Variants in ADCY10 observed in about 807,000 individuals in gnomAD.
ADCY10 encodes the protein adenylate cyclase type 10.
Under a neutral mutation model 183.3 loss-of-function variants are expected in ADCY10, and 156 were observed. The observed-to-expected ratio is 0.85, with a 90% CI of 0.75 to 0.97. The LOEUF is 0.97. Among genes scored for constraint, ADCY10 ranks in the 50% least tolerant of loss-of-function variants. ADCY10 has a pLI of 0.00. For synonymous variants in ADCY10, 645 were observed against 670.0 expected (o/e 0.96, Z 0.58); for missense variants, 1,745 against 1,934.3 (o/e 0.90, Z 1.84).
At chr1:167,819,507 G>A (rs1662745199) in intron 30 of ADCY10, among the ~76,000 whole-genome samples, 1 of 152,048 alleles carries the variant, frequency 6.6e-6, no homozygotes, top group Admixed American at 6.5e-5. Context: ...CCAAAGTGCT[G>A]CGATTACAGG....
chr1:167,878,738 C>T, intron 11 of ADCY10, 103 bp from the exon 12 acceptor site: 1 of 1,176,888 alleles, frequency 8.5e-7, no homozygotes, highest in Non-Finnish European at 1.2e-6. Context: ...CCTTTACTCC[C>T]TTTGCTGTTC....
intron 22 of ADCY10, 78 bp downstream of exon 22, chr1:167,837,171 C>A (rs1320821646): frequency 9.5e-6 from 13 of 1,361,286 alleles, no homozygotes; most frequent in South Asian, 3.5e-5. Context: ...ACTGGCCAGA[C>A]AAATGATTCT....
At chr1:167,833,404 A>G (rs1241525908) in intron 24 of ADCY10, among the ~76,000 whole-genome samples, 1 of 152,162 alleles carries the variant, frequency 6.6e-6, no homozygotes, top group African/African-American at 2.4e-5. Flanking sequence ...GACAATGTTT[A>G]CCCATTCAGG....
chr1:167,862,205 A>T (rs1381725117), intron 14 of ADCY10, among the ~76,000 whole-genome samples: 1 of 152,216 alleles, frequency 6.6e-6, no homozygotes, highest in African/African-American at 2.4e-5. Flanking sequence ...CCCACAATTC[A>T]TATGTTAAAT....
Position 167,848,470 on chromosome 1 carries a change from T to G in ADCY10, c.2328A>C (p.Thr776=), listed in dbSNP as rs768682719. 8.1e-6 allele frequency: 13 copies of G among 1,613,556 alleles called. No individual in the cohort carries two copies. Among genetic ancestry groups the G allele is most frequent in the Non-Finnish European group, 4.2e-6 (5 of 1,179,596 alleles). The part of the protein sequence containing the change: ...NNLFKYSIKL[T]EKLNMVTLHS... Reference sequence around the variant, plus strand: ...GGAGAGTAACCATGTTTAACTTCTCTGTTAGCTTAATGGAATACTCTACAG... The same window carrying G: ...GGAGAGTAACCATGTTTAACTTCTCGGTTAGCTTAATGGAATACTCTACAG... Residue 776 remains threonine, a synonymous_variant, in exon 19 of 33, where the codon ACA becomes ACC. Coordinates refer to ENST00000367851, the MANE Select transcript of ADCY10 (RefSeq NM_018417.6).
intron 31 of ADCY10, among the ~76,000 whole-genome samples, chr1:167,814,906 A>G (rs1662433891): frequency 1.3e-5 from 2 of 152,180 alleles, no homozygotes. Context: ...TGGTCGGATC[A>G]CCTGAGGTCA....
chr1:167,854,996 A>T (rs1365601245), intron 17 of ADCY10, among the ~76,000 whole-genome samples: 1 of 152,192 alleles, frequency 6.6e-6, no homozygotes, highest in African/African-American at 2.4e-5. Flanking sequence ...AAGAAAAAAC[A>T]TTCTCTATGT....
chr1:167,841,936 C>T (rs371489012), intron 21 of ADCY10, among the ~76,000 whole-genome samples: 1 of 152,306 alleles, frequency 6.6e-6, no homozygotes, highest in Admixed American at 6.5e-5. Flanking sequence ...GAAAGTTCAA[C>T]ATATCTGTAG....
chr1:167,822,171 T>C lies in ADCY10; in HGVS notation c.4169-30A>G, dbSNP rs766942582. 97 of 1,341,900 alleles carry C rather than the reference T, an allele frequency of 7.2e-5. 1 individual carries two copies. The South Asian group carries it at 1.0e-3, about 14-fold the overall frequency. 83.1% of individuals were successfully genotyped at this position (1,341,900 alleles called of 1,614,324 possible). On this transcript the variant is annotated intron_variant, in intron 29 of 32. Coordinates refer to ENST00000367851, the MANE Select transcript of ADCY10 (RefSeq NM_018417.6). The stretch of plus-strand genomic sequence containing the variant: ...GAGAGAGAGGAATGGGTGAGAGTTA[T>C]TAGTAGGTGTGGGTGATCATCTTTC...
chr1:167,845,709 G>A lies in ADCY10; in HGVS notation c.2861C>T (p.Ala954Val). The change falls in exon 21 of 33, where the codon GCC (alanine) becomes GTC (valine). Residue 954 changes from alanine (A) to valine (V), a missense_variant. Transcript: ENST00000367851. Reference protein sequence around the residue: ...DQRKAMHLKCARFLEEDAHRC... With the variant: ...DQRKAMHLKCVRFLEEDAHRC... The stretch of plus-strand genomic sequence containing the variant: ...GTGGGCATCTTCTTCTAAAAAGCGG[G>A]CACATTTCAAGTGCATGGCTTTTCT... 6.2e-7 allele frequency: 1 copy of A among 1,614,230 alleles called. No homozygotes were observed.
intron 18 of ADCY10, among the ~76,000 whole-genome samples, chr1:167,852,258 C>T (rs1274934291): frequency 6.6e-6 from 1 of 152,172 alleles, no homozygotes; most frequent in African/African-American, 2.4e-5. Context: ...GCCTGGCCAA[C>T]ATGGCAAAAC....
At chr1:167,912,191 T>G (rs1339222732) in intron 1 of ADCY10, among the ~76,000 whole-genome samples, 12 of 152,212 alleles carry the variant, frequency 7.9e-5, no homozygotes, top group Non-Finnish European at 1.5e-5. Flanking sequence ...TAGGAGTTAT[T>G]AAGAAATTAT....
intron 31 of ADCY10, among the ~76,000 whole-genome samples, chr1:167,816,144 C>G (rs1662516055): frequency 6.6e-6 from 1 of 152,006 alleles, no homozygotes; most frequent in South Asian, 2.1e-4. Flanking sequence ...AAATTAAGGT[C>G]AAACACCAAA....
At chr1:167,865,142 G>C (rs1020840694) in intron 14 of ADCY10, among the ~76,000 whole-genome samples, 1 of 152,274 alleles carries the variant, frequency 6.6e-6, no homozygotes, top group Non-Finnish European at 1.5e-5. Context: ...TGAAGAAACA[G>C]TTTATGTGCA....
At chr1:167,867,903 T>C (rs1182446305) in intron 14 of ADCY10, among the ~76,000 whole-genome samples, 1 of 152,194 alleles carries the variant, frequency 6.6e-6, no homozygotes, top group Admixed American at 6.5e-5. Context: ...AAAAAGACCC[T>C]GTTTAGCTCC....
In ADCY10 at chr1:167,820,499, G is replaced by T. The variant is rs368161728; in HGVS notation, c.4286+1525C>A. The T allele has an allele frequency of 1.3e-5, 5 of 388,306 alleles. No homozygotes were observed. In the East Asian group the frequency reaches 1.5e-4, roughly 11 times the overall value. 24.1% of individuals were successfully genotyped at this position (388,306 alleles called of 1,614,324 possible). A position where few individuals can be genotyped will look rare whatever the true frequency, so the allele number is the denominator to read the frequency against. On this transcript the variant is annotated intron_variant, in intron 30 of 32. Coordinates refer to ENST00000367851, the MANE Select transcript of ADCY10 (RefSeq NM_018417.6). The stretch of plus-strand genomic sequence containing the variant: ...TTTAAAAAATTCTCCTGCTGAGATA[G>T]ACAAGAAAAATAAATTTGGATGATT...
chr1:167,875,066 T>G, intron 13 of ADCY10, 65 bp downstream of exon 13: 2 of 1,229,606 alleles, frequency 1.6e-6, no homozygotes, highest in South Asian at 1.2e-5. Context: ...TTATCATTGA[T>G]GTACTTTTCT....
chr1:167,846,115 T>C lies in ADCY10; in HGVS notation c.2586A>G (p.Ala862=). Residue 862 remains alanine, a synonymous_variant, in exon 20 of 33, where the codon GCA becomes GCG. Transcript: ENST00000367851. ...AAAAAATGTTAGATTCCACTAGGGT[T>C]GCCAGGGTCTTGATCATCATCTTCA... ...WNMKMMIKTL[A]TLVESNIFYC... The C allele has an allele frequency of 6.2e-7, 1 of 1,614,182 alleles. No individual in the cohort carries two copies. Among genetic ancestry groups the C allele is most frequent in the Admixed American group, 1.7e-5 (1 of 60,026 alleles).
In ADCY10 at chr1:167,886,740, C is replaced by T. The variant is rs536891857; in HGVS notation, c.829-3112G>A. On this transcript the variant is annotated intron_variant, in intron 8 of 32. Coordinates refer to ENST00000367851, the MANE Select transcript of ADCY10 (RefSeq NM_018417.6). The stretch of plus-strand genomic sequence containing the variant: ...AGAGCTTCTGAACAGCAAAAGAAAT[C>T]ATCAGAGTGAACAGGCATCCTACAG... 2.0e-5 allele frequency among the ~76,000 whole-genome samples: 3 copies of T among 152,188 alleles called. No homozygotes were observed. In the South Asian group the frequency reaches 6.2e-4, roughly 32 times the overall value.
Sources: allele counts gnomAD v4.1 joint callset (sites outside exome capture counted in the v4.1 genomes callset), GRCh38; gene constraint gnomAD v4.1.1; transcripts MANE v1.5; gene names NCBI Gene and HGNC (gene_info 2026-07-23, HGNC 2026-07-21).